Variants in U2SURP observed in about 807,000 individuals in gnomAD.
The protein encoded by U2SURP is U2 snRNP associated SURP domain containing.
A neutral mutation model predicts 144.9 loss-of-function variants in U2SURP; 9 were observed. The observed-to-expected ratio is 0.06, with a 90% CI of 0.04 to 0.11. U2SURP has a LOEUF of 0.11. Among genes scored for constraint, U2SURP ranks in the 10% least tolerant of loss-of-function variants. U2SURP has a pLI of 1.00. For missense variants in U2SURP, 724 were observed against 1,226.7 expected (o/e 0.59, Z 6.12); for synonymous variants, 408 against 396.8 (o/e 1.03, Z -0.33).
rs575973904 is a variant in U2SURP at position 143,021,690 on chromosome 3, G to GT, written c.852+136dup. On this transcript the variant is annotated intron_variant, in intron 10 of 27. Coordinates refer to ENST00000473835, the MANE Select transcript of U2SURP (RefSeq NM_001080415.2). Reference sequence around the variant, plus strand: ...GATAGTCTTTAGAGTTGTCTTACTGGTATGGCCCAGGTTGTCTTGCCACAT... The same window carrying GT: ...GATAGTCTTTAGAGTTGTCTTACTGGTTATGGCCCAGGTTGTCTTGCCACAT... 3.0e-4 allele frequency: 238 copies of GT among 800,222 alleles called. No individual in the cohort carries two copies. The African/African-American group carries it at 3.3e-3, about 11-fold the overall frequency. The allele number at this position is 800,222 out of a possible 1,614,324, so 49.6% of individuals were successfully genotyped here. A position where few individuals can be genotyped will look rare whatever the true frequency, so the allele number is the denominator to read the frequency against.
At chr3:143,050,634 A>G (rs1934807751) in intron 24 of U2SURP, among the ~76,000 whole-genome samples, 1 of 152,126 alleles carries the variant, frequency 6.6e-6, no homozygotes, top group Non-Finnish European at 1.5e-5. Flanking sequence ...GTCTTTAGCA[A>G]CCTTGCTTTT....
chr3:143,053,915 G>C, intron 26 of U2SURP, 121 bp downstream of exon 26: 1 of 839,682 alleles, frequency 1.2e-6, no homozygotes, highest in Non-Finnish European at 1.8e-6. Flanking sequence ...AACTTGTTTG[G>C]GTCCTGCTTG....
intron 14 of U2SURP, 119 bp downstream of exon 14, chr3:143,027,372 C>T (rs1217005306): frequency 1.5e-6 from 1 of 682,204 alleles, no homozygotes; most frequent in Non-Finnish European, 2.3e-6. Context: ...ACCATCACCA[C>T]CATCCATCTC....
chr3:143,022,426 C>T, intron 10 of U2SURP, 71 bp from the exon 11 acceptor site: 1 of 1,387,676 alleles, frequency 7.2e-7, no homozygotes, highest in African/African-American at 1.4e-5. Context: ...GTAAAAACTA[C>T]TTTGTTTTCT....
At chr3:143,046,978 G>T (rs1578166203) in intron 24 of U2SURP, among the ~76,000 whole-genome samples, 1 of 137,424 alleles carries the variant, frequency 7.3e-6, no homozygotes, top group Non-Finnish European at 1.5e-5. Flanking sequence ...CCCGGACGGG[G>T]CGGCTGGCCG....
chr3:143,012,272 T>C lies in U2SURP; in HGVS notation c.141T>C (p.Pro47=). 6.2e-7 allele frequency: 1 copy of C among 1,613,508 alleles called. No homozygotes were observed. Among genetic ancestry groups the C allele is most frequent in the Non-Finnish European group, 8.5e-7 (1 of 1,179,552 alleles). ...SDSDMPSRTR[P]KSPRKHNYRN... ...GTGATATGCCAAGTCGGACACGACC[T>C]AAGAGCCCAAGAAAACATAATTATA... The change falls in exon 3 of 28, where the codon CCT becomes CCC. Residue 47 remains proline, a synonymous_variant. Transcript: ENST00000473835.
chr3:143,015,076 A>G (rs540095232), intron 4 of U2SURP, among the ~76,000 whole-genome samples: 28 of 152,244 alleles, frequency 1.8e-4, no homozygotes, highest in African/African-American at 6.0e-4. Context: ...CTGTAGGGGC[A>G]GTGACATGTT....
At chr3:143,003,869 T>G (rs1935676430) in intron 1 of U2SURP, among the ~76,000 whole-genome samples, 2 of 151,918 alleles carry the variant, frequency 1.3e-5, no homozygotes, top group Non-Finnish European at 2.9e-5. Flanking sequence ...TTTTTTGTAT[T>G]TTAGTAGAGA....
At position 143,032,074 on chromosome 3, in the gene U2SURP, T is replaced by G. The variant is rs553524114; in HGVS notation, c.1611-710T>G. On this transcript the variant is annotated intron_variant, in intron 16 of 27. Transcript: ENST00000473835. ...CAAAGCCTAAAATATTTGTAATCTT[T>G]TTTTTTTTTTTCCCCTGAGATGGAG... Among the ~76,000 whole-genome samples the G allele has an allele frequency of 2.3e-4, 35 of 151,852 alleles. No individual in the cohort carries two copies. In the East Asian group the frequency reaches 6.2e-3, roughly 27 times the overall value.
At position 143,012,287 on chromosome 3, in the gene U2SURP, A is replaced by G; in HGVS notation, c.156A>G (p.Lys52=). 1.2e-6 allele frequency: 2 copies of G among 1,613,512 alleles called. No individual in the cohort carries two copies. Among genetic ancestry groups the G allele is most frequent in the Non-Finnish European group, 1.7e-6 (2 of 1,179,560 alleles). ...PSRTRPKSPR[K]HNYRNESARE... ...GGACACGACCTAAGAGCCCAAGAAA[A>G]CATAATTATAGGAATGAAAGTGCCC... The change falls in exon 3 of 28, where the codon AAA becomes AAG. Residue 52 remains lysine (K), a synonymous_variant. Transcript: ENST00000473835.
At chr3:143,009,893 G>A (rs1346826910) in intron 1 of U2SURP, among the ~76,000 whole-genome samples, 1 of 152,068 alleles carries the variant, frequency 6.6e-6, no homozygotes, top group Non-Finnish European at 1.5e-5. Flanking sequence ...GGGAGTTGGG[G>A]TCAGGTGAGA....
At chr3:143,052,433 A>G (rs1356654239) in intron 25 of U2SURP, among the ~76,000 whole-genome samples, 3 of 152,134 alleles carry the variant, frequency 2.0e-5, no homozygotes, top group African/African-American at 7.2e-5. Flanking sequence ...CCTATACCCC[A>G]TAGGAGATTA....
At chr3:143,024,985 C>T (rs1458298296) in intron 13 of U2SURP, among the ~76,000 whole-genome samples, 1 of 151,736 alleles carries the variant, frequency 6.6e-6, no homozygotes, top group Non-Finnish European at 1.5e-5. Context: ...TTTTGTACTA[C>T]ACTGTTTTAT....
rs762274427 is a variant in U2SURP, at chr3:143,016,319, T to C, written c.384T>C (p.Asp128=). The change falls in exon 5 of 28, where the codon GAT becomes GAC. Residue 128 remains aspartate (D), a synonymous_variant. Coordinates refer to ENST00000473835, the MANE Select transcript of U2SURP (RefSeq NM_001080415.2). ...EEFLAAFEGS[D]GNKVKTFVRG... is the part of the protein sequence containing the mutation. The stretch of plus-strand genomic sequence containing the variant: ...TTCTTGCTGCTTTTGAAGGAAGTGA[T>C]GGTAATAAAGTGAAAACATTTGTGC... 1.9e-6 allele frequency: 3 copies of C among 1,613,396 alleles called. No individual in the cohort carries two copies. The Admixed American group carries it at 5.0e-5, about 27-fold the overall frequency.
chr3:143,053,690 G>C lies in U2SURP; in HGVS notation c.2670G>C (p.Glu890Asp). The part of the protein sequence containing the change: ...DKLLQREKEK[E>D]LERERERDKK... ...AAAAATAACAGGAGAAAGAGAAAGA[G>C]TTAGAAAGAGAACGAGAAAGAGACA... is the stretch of plus-strand genomic sequence containing the variant. Residue 890 changes from glutamate (E) to aspartate (D), a missense_variant, in exon 26 of 28, where the codon GAG becomes GAC. Coordinates refer to ENST00000473835, the MANE Select transcript of U2SURP (RefSeq NM_001080415.2). 1 of 1,482,670 alleles carries C rather than the reference G, an allele frequency of 6.7e-7. No individual in the cohort carries two copies. Among genetic ancestry groups the C allele is most frequent in the Non-Finnish European group, 9.3e-7 (1 of 1,078,220 alleles). The allele number at this position is 1,482,670 out of a possible 1,614,324, so 91.8% of individuals were successfully genotyped here.
At chr3:143,033,777 G>A (rs1393462569) in intron 18 of U2SURP, among the ~76,000 whole-genome samples, 1 of 151,980 alleles carries the variant, frequency 6.6e-6, no homozygotes, top group African/African-American at 2.4e-5. Flanking sequence ...GGATACTGAG[G>A]GAAGACTAAT....
At chr3:143,042,302 G>T (rs1277219064) in intron 23 of U2SURP, among the ~76,000 whole-genome samples, 1 of 152,022 alleles carries the variant, frequency 6.6e-6, no homozygotes, top group Non-Finnish European at 1.5e-5. Context: ...TATTATTAAG[G>T]TTATGTGCTA....
chr3:143,034,809 G>A lies in U2SURP; in HGVS notation c.1854-79G>A, dbSNP rs1011893985. On this transcript the variant is annotated intron_variant, in intron 18 of 27. Coordinates refer to ENST00000473835, the MANE Select transcript of U2SURP (RefSeq NM_001080415.2). ...TTGTAAGTATTTTAAGTTCAGGAGG[G>A]GTTTTCATTGGCTGGCATGCTAAAA... 7 of 830,758 alleles carry A rather than the reference G, an allele frequency of 8.4e-6. No homozygotes were observed. The Admixed American group carries it at 1.2e-4, about 14-fold the overall frequency. 51.5% of individuals were successfully genotyped at this position (830,758 alleles called of 1,614,324 possible).
At chr3:143,010,386 T>C (rs1463850068) in intron 1 of U2SURP, among the ~76,000 whole-genome samples, 1 of 152,228 alleles carries the variant, frequency 6.6e-6, no homozygotes, top group African/African-American at 2.4e-5. Context: ...GATTTATATG[T>C]GGATTTCTTT....
Sources: allele counts gnomAD v4.1 joint callset (sites outside exome capture counted in the v4.1 genomes callset), GRCh38; gene constraint gnomAD v4.1.1; transcripts MANE v1.5; gene names NCBI Gene and HGNC (gene_info 2026-07-23, HGNC 2026-07-21).